Variants in DERA observed in about 807,000 individuals in gnomAD.
The protein encoded by DERA is 2-deoxy-D-ribose 5-phosphate aldolase.
A neutral mutation model predicts 41.1 loss-of-function variants in DERA; 15 were observed. The ratio of observed to expected loss-of-function variants is 0.37; its 90% CI spans 0.24 to 0.56. The LOEUF is 0.56. Among genes scored for constraint, DERA ranks in the 20% least tolerant of loss-of-function variants. The pLI, the probability that DERA is intolerant of heterozygous loss-of-function variation, is 0.81. For missense variants in DERA, 396 were observed against 403.4 expected (o/e 0.98, Z 0.16); for synonymous variants, 139 against 137.4 (o/e 1.01, Z -0.08).
At chr12:15,914,393 T>TTA (rs1948185153) in intron 1 of DERA, among the ~76,000 whole-genome samples, 1 of 55,024 alleles carries the variant, frequency 1.8e-5, no homozygotes, top group African/African-American at 6.0e-5. Context: ...TCAAAAAAGA[T>TTA]AAAAAAAAAA....
At position 15,954,121 on chromosome 12, in the gene DERA, T is replaced by G. The variant is rs1236666714; in HGVS notation, c.32-2815T>G. 6.6e-6 allele frequency among the ~76,000 whole-genome samples: 1 copy of G among 152,084 alleles called. No individual in the cohort carries two copies. Among genetic ancestry groups the G allele is most frequent in the Admixed American group, 6.5e-5 (1 of 15,270 alleles). ...TAACCTTTGGTGTACTCAAAATTGG[T>G]TTTTAAGGGGAAAGTTCCCAGGCAT... On this transcript the variant is annotated intron_variant, in intron 1 of 8. Coordinates refer to ENST00000428559, the MANE Select transcript of DERA (RefSeq NM_015954.4). The surrounding 1 kb of genome is among the most constrained non-coding windows in gnomAD (Gnocchi z 4.0).
rs1158115484 is a variant in DERA at position 16,021,118 on chromosome 12, C to A, written c.638-11424C>A. 6.6e-6 allele frequency among the ~76,000 whole-genome samples: 1 copy of A among 152,142 alleles called. No homozygotes were observed. The highest frequency in any genetic ancestry group is 2.1e-4 in the South Asian group (1 of 4,818). On this transcript the variant is annotated intron_variant, in intron 6 of 8. Transcript: ENST00000428559. This position sits in a 1 kb window ranked among gnomAD's most constrained non-coding sequence, Gnocchi z 5.3. ...CTTGTCTAAAAGGGAGCCAAGTGCT[C>A]ATATATAAGACTGTGGGGAAAAGAC...
Position 15,921,421 on chromosome 12 carries a change from A to C in DERA, c.31+10007A>C, listed in dbSNP as rs1279137100. 6.6e-6 allele frequency among the ~76,000 whole-genome samples: 1 copy of C among 152,176 alleles called. No individual in the cohort carries two copies. Among genetic ancestry groups the C allele is most frequent in the Non-Finnish European group, 1.5e-5 (1 of 68,034 alleles). On this transcript the variant is annotated intron_variant, in intron 1 of 8. Transcript: ENST00000428559. This position sits in a 1 kb window ranked among gnomAD's most constrained non-coding sequence, Gnocchi z 5.3. ...AGATGTGAGATTAACCAGAAAGAGT[A>C]ATTCCGTTAATTTTCTGGTAGAAAA... is the stretch of plus-strand genomic sequence containing the variant.
At position 15,938,040 on chromosome 12, in the gene DERA, A is replaced by G. The variant is rs1473350025; in HGVS notation, c.32-18896A>G. On this transcript the variant is annotated intron_variant, in intron 1 of 8. Coordinates refer to ENST00000428559, the MANE Select transcript of DERA (RefSeq NM_015954.4). The surrounding 1 kb of genome is among the most constrained non-coding windows in gnomAD (Gnocchi z 4.1). ...TCCAAGTAAATAATTCAACTATCAC[A>G]ACATAACCACTGGATTATGTGCCAG... Among the ~76,000 whole-genome samples, 1 of 152,226 alleles carries G rather than the reference A, an allele frequency of 6.6e-6. No homozygotes were observed.
chr12:15,957,094 A>G lies in DERA; in HGVS notation c.129+61A>G, dbSNP rs1008091590. On this transcript the variant is annotated intron_variant, in intron 2 of 8. Transcript: ENST00000428559. The surrounding 1 kb of genome is among the most constrained non-coding windows in gnomAD (Gnocchi z 4.8). ...TTACAATGCATGGTCTCTTCCCTCA[A>G]GGCCACAATATTGAATTTCACTCAA... The G allele has an allele frequency of 1.1e-5, 14 of 1,268,612 alleles. No individual in the cohort carries two copies. The Admixed American group carries it at 2.5e-4, about 23-fold the overall frequency. The allele number at this position is 1,268,612 out of a possible 1,614,324, so 78.6% of individuals were successfully genotyped here. A position where few individuals can be genotyped will look rare whatever the true frequency, so the allele number is the denominator to read the frequency against.
Position 16,000,701 on chromosome 12 carries a change from T to G in DERA, c.637+18265T>G, listed in dbSNP as rs140134815. ...TCACACAAAGCCAGCAAAGGCTGTT[T>G]GTAGAACGTTAGCTGCTATCACACT... On this transcript the variant is annotated intron_variant, in intron 6 of 8. Coordinates refer to ENST00000428559, the MANE Select transcript of DERA (RefSeq NM_015954.4). The surrounding 1 kb of genome is among the most constrained non-coding windows in gnomAD (Gnocchi z 4.8). Among the ~76,000 whole-genome samples, 211 of 152,340 alleles carry G rather than the reference T, an allele frequency of 1.4e-3. 1 individual carries two copies. The highest frequency in any genetic ancestry group is 4.2e-3 in the African/African-American group (176 of 41,574).
At position 16,019,807 on chromosome 12, in the gene DERA, A is replaced by G. The variant is rs536316920; in HGVS notation, c.638-12735A>G. 3.9e-5 allele frequency among the ~76,000 whole-genome samples: 6 copies of G among 152,234 alleles called. No homozygotes were observed. The highest frequency in any genetic ancestry group is 3.4e-3 in the Middle Eastern group (1 of 294). ...ATAATACTTACTGGGCATATGATAT[A>G]GTTTGGATTTTTGTCCCTTCCAACT... On this transcript the variant is annotated intron_variant, in intron 6 of 8. Coordinates refer to ENST00000428559, the MANE Select transcript of DERA (RefSeq NM_015954.4). The surrounding 1 kb of genome is among the most constrained non-coding windows in gnomAD (Gnocchi z 4.4).
At chr12:15,975,969 T>C (rs1045840273) in intron 5 of DERA, among the ~76,000 whole-genome samples, 5 of 152,246 alleles carry the variant, frequency 3.3e-5, no homozygotes, top group African/African-American at 1.2e-4. Context: ...TGGGATGTTA[T>C]TGTTTCTAGG....
intron 5 of DERA, among the ~76,000 whole-genome samples, chr12:15,977,257 G>A (rs755521550): frequency 6.6e-6 from 1 of 152,132 alleles, no homozygotes; most frequent in Non-Finnish European, 1.5e-5. Context: ...GCACTGCAAT[G>A]TATTTCCCTG....
At chr12:15,997,815 T>G (rs1407445236) in intron 6 of DERA, among the ~76,000 whole-genome samples, 1 of 152,202 alleles carries the variant, frequency 6.6e-6, no homozygotes, top group Non-Finnish European at 1.5e-5. Flanking sequence ...TAAAAGGTGT[T>G]TACAAATTCA....
Position 15,982,098 on chromosome 12 carries a change from G to T in DERA, c.509-210G>T, listed in dbSNP as rs545849470. Reference sequence around the variant, plus strand: ...GGACCTCAGGCCAGGGCTTAGAAACGGTTTCATGGTAGCAAACTAAGCATT... The same window carrying T: ...GGACCTCAGGCCAGGGCTTAGAAACTGTTTCATGGTAGCAAACTAAGCATT... On this transcript the variant is annotated intron_variant, in intron 5 of 8. Coordinates refer to ENST00000428559, the MANE Select transcript of DERA (RefSeq NM_015954.4). This position sits in a 1 kb window ranked among gnomAD's most constrained non-coding sequence, Gnocchi z 4.0. Among the ~76,000 whole-genome samples, 1 of 152,132 alleles carries T rather than the reference G, an allele frequency of 6.6e-6. No individual in the cohort carries two copies. The highest frequency in any genetic ancestry group is 2.4e-5 in the African/African-American group (1 of 41,406).
intron 6 of DERA, among the ~76,000 whole-genome samples, chr12:16,005,438 G>GA (rs905755186): frequency 4.6e-5 from 7 of 151,840 alleles, no homozygotes; most frequent in Admixed American, 3.3e-4. Flanking sequence ...GTAACAGAGA[G>GA]AAAAAAAATT....
At chr12:15,977,216 G>A (rs1403091277) in intron 5 of DERA, among the ~76,000 whole-genome samples, 2 of 152,068 alleles carry the variant, frequency 1.3e-5, no homozygotes, top group East Asian at 1.9e-4. Flanking sequence ...ATCCTTCTAC[G>A]TTCTGAGTTT....
At position 16,014,291 on chromosome 12, in the gene DERA, G is replaced by A. The variant is rs998719346; in HGVS notation, c.638-18251G>A. 1.3e-5 allele frequency among the ~76,000 whole-genome samples: 2 copies of A among 152,196 alleles called. No homozygotes were observed. Among genetic ancestry groups the A allele is most frequent in the African/African-American group, 4.8e-5 (2 of 41,460 alleles). Reference sequence around the variant, plus strand: ...GGGCATGTCAGAGATCTTCATGGCAGTCTCTCCCATCACAGGCCAGAGGTC... The same window carrying A: ...GGGCATGTCAGAGATCTTCATGGCAATCTCTCCCATCACAGGCCAGAGGTC... On this transcript the variant is annotated intron_variant, in intron 6 of 8. Transcript: ENST00000428559. The surrounding 1 kb of genome is among the most constrained non-coding windows in gnomAD (Gnocchi z 5.4).
Position 15,921,819 on chromosome 12 carries a change from G to A in DERA, c.31+10405G>A, listed in dbSNP as rs577680595. ...CGAGCGCCTGTAATCCCAGCTACTC[G>A]GGAGACTGAGGTAGGAGAATCGCTT... On this transcript the variant is annotated intron_variant, in intron 1 of 8. Transcript: ENST00000428559. This position sits in a 1 kb window ranked among gnomAD's most constrained non-coding sequence, Gnocchi z 5.3. Among the ~76,000 whole-genome samples, 2 of 152,086 alleles carry A rather than the reference G, an allele frequency of 1.3e-5. No individual in the cohort carries two copies. The highest frequency in any genetic ancestry group is 2.1e-4 in the South Asian group (1 of 4,810).
chr12:15,940,594 G>T lies in DERA; in HGVS notation c.32-16342G>T, dbSNP rs555303882. ...TCTTGATCTCCTGACCTCGTGATCT[G>T]CCCTCCTCGACCTCCCAAAATGCTG... On this transcript the variant is annotated intron_variant, in intron 1 of 8. Transcript: ENST00000428559. The surrounding 1 kb of genome is among the most constrained non-coding windows in gnomAD (Gnocchi z 5.1). Among the ~76,000 whole-genome samples, 2 of 152,210 alleles carry T rather than the reference G, an allele frequency of 1.3e-5. No homozygotes were observed. The highest frequency in any genetic ancestry group is 3.9e-4 in the East Asian group (2 of 5,180).
rs140258278 is a variant in DERA, at chr12:16,024,354, T to C, written c.638-8188T>C. 2.6e-5 allele frequency among the ~76,000 whole-genome samples: 4 copies of C among 152,234 alleles called. No individual in the cohort carries two copies. In the East Asian group the frequency reaches 7.7e-4, roughly 29 times the overall value. ...AAAAACTGTGCACCTAGACATATTA[T>C]AGTCAAATTGAAGAAAACCAAAGAC... On this transcript the variant is annotated intron_variant, in intron 6 of 8. Transcript: ENST00000428559.
chr12:16,026,613 A>G lies in DERA; in HGVS notation c.638-5929A>G, dbSNP rs1348077770. ...ATTTACACATTTATGTAAATATATA[A>G]CATATTTTAATTATATAAAATTATT... On this transcript the variant is annotated intron_variant, in intron 6 of 8. Coordinates refer to ENST00000428559, the MANE Select transcript of DERA (RefSeq NM_015954.4). This position sits in a 1 kb window ranked among gnomAD's most constrained non-coding sequence, Gnocchi z 4.4. Among the ~76,000 whole-genome samples, 1 of 149,806 alleles carries G rather than the reference A, an allele frequency of 6.7e-6. No individual in the cohort carries two copies. The highest frequency in any genetic ancestry group is 2.4e-5 in the African/African-American group (1 of 41,206).
In DERA at chr12:15,922,196, G is replaced by A. The variant is rs1189335424; in HGVS notation, c.31+10782G>A. 6.6e-6 allele frequency among the ~76,000 whole-genome samples: 1 copy of A among 152,190 alleles called. No individual in the cohort carries two copies. Among genetic ancestry groups the A allele is most frequent in the East Asian group, 1.9e-4 (1 of 5,170 alleles). ...CTTCATCAAATTTTAAAATATCCCC[G>A]GGGAAGTACGCTGCCTTATTCTTGT... On this transcript the variant is annotated intron_variant, in intron 1 of 8. Coordinates refer to ENST00000428559, the MANE Select transcript of DERA (RefSeq NM_015954.4). The surrounding 1 kb of genome is among the most constrained non-coding windows in gnomAD (Gnocchi z 4.9).
Sources: gnomAD v4.1 joint callset for allele counts (sites outside exome capture counted in the v4.1 genomes callset) on GRCh38, gnomAD v4.1.1 for gene constraint, Gnocchi (gnomAD v3.1) non-coding constraint, MANE v1.5 for transcripts, NCBI Gene and HGNC (gene_info 2026-07-23, HGNC 2026-07-21) for gene names.